The following MTMR7 variants were observed in gnomAD, a reference collection of about 807,000 sequenced individuals.
MTMR7 encodes myotubularin related protein 7, also known as phosphatidylinositol-3-phosphate phosphatase MTMR7.
Under a neutral mutation model 81.2 loss-of-function variants are expected in MTMR7, and 76 were observed. The observed-to-expected ratio is 0.94, with a 90% CI of 0.78 to 1.13. The LOEUF (loss-of-function observed/expected upper bound fraction) is 1.13. MTMR7 is among the 50% of genes most tolerant of loss of function. The pLI is 0.00. For missense variants in MTMR7, 1,044 were observed against 820.0 expected (o/e 1.27, Z -3.34); for synonymous variants, 372 against 289.8 (o/e 1.28, Z -2.88).
intron 1 of MTMR7, among the ~76,000 whole-genome samples, chr8:17,387,912 T>G (rs1451589284): frequency 6.6e-6 from 1 of 152,198 alleles, no homozygotes; most frequent in Non-Finnish European, 1.5e-5. Flanking sequence ...GAGTTCCATC[T>G]ACCTATACAT....
intron 7 of MTMR7, among the ~76,000 whole-genome samples, chr8:17,314,590 G>A (rs1308231275): frequency 6.6e-6 from 1 of 152,156 alleles, no homozygotes; most frequent in Non-Finnish European, 1.5e-5. Context: ...AGGATTCACT[G>A]TGATTTCCTG....
At chr8:17,305,032 G>C (rs982649222) in intron 11 of MTMR7, among the ~76,000 whole-genome samples, 1 of 152,064 alleles carries the variant, frequency 6.6e-6, no homozygotes, top group Non-Finnish European at 1.5e-5. Flanking sequence ...CAAGAAAACA[G>C]GTGACCCTAA....
intron 3 of MTMR7, among the ~76,000 whole-genome samples, chr8:17,363,679 C>T (rs1820125337): frequency 6.6e-6 from 1 of 151,982 alleles, no homozygotes; most frequent in Admixed American, 6.6e-5. Flanking sequence ...CAGGAAAAGC[C>T]CATTTTTGTC....
At chr8:17,344,644 C>A (rs892734367) in intron 5 of MTMR7, among the ~76,000 whole-genome samples, 5 of 152,090 alleles carry the variant, frequency 3.3e-5, no homozygotes, top group African/African-American at 1.2e-4. Flanking sequence ...GACCTGGCTT[C>A]CAGTACCAGT....
At chr8:17,337,799 G>A (rs1348448691) in intron 6 of MTMR7, among the ~76,000 whole-genome samples, 2 of 152,024 alleles carry the variant, frequency 1.3e-5, no homozygotes, top group Non-Finnish European at 2.9e-5. Flanking sequence ...TCTGTTTTTT[G>A]TAGAGATGGG....
At chr8:17,317,568 C>G (rs1190175166) in intron 7 of MTMR7, among the ~76,000 whole-genome samples, 1 of 152,176 alleles carries the variant, frequency 6.6e-6, no homozygotes, top group African/African-American at 2.4e-5. Context: ...GAAAGGTTGA[C>G]TTTCCAGAAA....
chr8:17,349,379 A>C (rs59651127), intron 4 of MTMR7: 1 of 228,894 alleles, frequency 4.4e-6, no homozygotes, highest in Non-Finnish European at 8.7e-6. Context: ...CCTTTCATCA[A>C]AAAGAGACAA....
At chr8:17,379,565 T>A (rs1204475101) in intron 1 of MTMR7, among the ~76,000 whole-genome samples, 1 of 152,222 alleles carries the variant, frequency 6.6e-6, no homozygotes, top group African/African-American at 2.4e-5. Flanking sequence ...TTATCCTGCT[T>A]GTATTGCTTC....
intron 6 of MTMR7, among the ~76,000 whole-genome samples, chr8:17,336,694 C>T (rs1171948663): frequency 6.6e-6 from 1 of 152,202 alleles, no homozygotes; most frequent in Non-Finnish European, 1.5e-5. Context: ...AAAGGCCAGG[C>T]GTCACGGAGG....
rs186644004 is a variant in MTMR7 at position 17,388,126 on chromosome 8, A to G, written c.25-14886T>C. Among the ~76,000 whole-genome samples the G allele has an allele frequency of 7.2e-4, 109 of 152,352 alleles. 1 individual carries two copies. Among genetic ancestry groups the G allele is most frequent in the Admixed American group, 6.2e-3 (95 of 15,302 alleles). On this transcript the variant is annotated intron_variant, in intron 1 of 13. Coordinates refer to ENST00000180173, the MANE Select transcript of MTMR7 (RefSeq NM_004686.5). ...TTATGCCAGCAGCCAACGCTCATAA[A>G]TAAAAATTCAGGCACTTGAGAATTT...
At chr8:17,409,616 C>T (rs893868594) in intron 1 of MTMR7, among the ~76,000 whole-genome samples, 2 of 152,188 alleles carry the variant, frequency 1.3e-5, no homozygotes, top group Non-Finnish European at 2.9e-5. Context: ...CCTACCATTA[C>T]AGGACTTCCA....
intron 7 of MTMR7, among the ~76,000 whole-genome samples, chr8:17,321,320 T>C (rs1818378145): frequency 6.6e-6 from 1 of 152,226 alleles, no homozygotes; most frequent in Non-Finnish European, 1.5e-5. Flanking sequence ...CGCTTCTCTG[T>C]CCAGTTAGCT....
chr8:17,342,881 C>T (rs62498858), intron 5 of MTMR7, among the ~76,000 whole-genome samples: 8,614 of 151,820 alleles, frequency 0.057, 328 homozygotes, highest in Non-Finnish European at 0.085. Flanking sequence ...GGTATGGGCA[C>T]GGCAGACAGA....
At chr8:17,393,716 G>A (rs1297075309) in intron 1 of MTMR7, among the ~76,000 whole-genome samples, 1 of 152,054 alleles carries the variant, frequency 6.6e-6, no homozygotes, top group East Asian at 1.9e-4. Context: ...GCGAGGGGAG[G>A]GAGAACATCA....
chr8:17,356,429 G>A (rs1472371447), intron 4 of MTMR7, among the ~76,000 whole-genome samples: 1 of 152,056 alleles, frequency 6.6e-6, no homozygotes, highest in East Asian at 1.9e-4. Flanking sequence ...GTCCAGGCAT[G>A]GTGGCTTGCC....
At chr8:17,370,010 A>T (rs1820364481) in intron 3 of MTMR7, among the ~76,000 whole-genome samples, 5 of 151,890 alleles carry the variant, frequency 3.3e-5, no homozygotes. Flanking sequence ...GGCAAGAAAC[A>T]CTTCTGTAGA....
intron 10 of MTMR7, among the ~76,000 whole-genome samples, chr8:17,308,115 A>G (rs1817579651): frequency 6.6e-6 from 1 of 152,180 alleles, no homozygotes; most frequent in Non-Finnish European, 1.5e-5. Context: ...ATATTTGCAT[A>G]AAGGGAATTT....
intron 6 of MTMR7, among the ~76,000 whole-genome samples, chr8:17,340,470 T>A (rs573843084): frequency 4.6e-5 from 7 of 152,334 alleles, no homozygotes; most frequent in African/African-American, 1.7e-4. Context: ...TCATTCTGTC[T>A]GCTGTAGTCA....
Position 17,413,279 on chromosome 8 carries a change from C to A in MTMR7, c.14G>T (p.Arg5Leu). 11 of 1,546,994 alleles carry A rather than the reference C, an allele frequency of 7.1e-6. No individual in the cohort carries two copies. The highest frequency in any genetic ancestry group is 7.9e-6 in the Non-Finnish European group (9 of 1,144,482). The change falls in exon 1 of 14, where the codon CGT becomes CTT. Residue 5 changes from arginine (R) to leucine (L), a missense_variant. Transcript: ENST00000180173. MEHI[R>L]TPKVENVRLV... ...GCTGGTGTCACCAACCTTGGGCGTA[C>A]GGATGTGCTCCATGGCTGGCCCACG...
Sources: allele counts gnomAD v4.1 joint callset (sites outside exome capture counted in the v4.1 genomes callset), GRCh38; gene constraint gnomAD v4.1.1; transcripts MANE v1.5; gene names NCBI Gene and HGNC (gene_info 2026-07-23, HGNC 2026-07-21).